The following TEX9 variants were observed in gnomAD, a reference collection of about 807,000 sequenced individuals.
The protein encoded by TEX9 is testis-expressed protein 9.
Under a neutral mutation model 59.6 loss-of-function variants are expected in TEX9, and 74 were observed. That is an observed-to-expected ratio of 1.24 (90% CI 1.03 to 1.51). The LOEUF (loss-of-function observed/expected upper bound fraction) is 1.51, where lower values mean the gene tolerates loss of function less well. TEX9 is among the 40% of genes most tolerant of loss of function. TEX9 has a pLI of 0.00. For synonymous variants in TEX9, 186 were observed against 152.2 expected, an observed-to-expected ratio of 1.22 and a Z score of -1.64; for missense variants, 522 against 447.8, an observed-to-expected ratio of 1.17 and a Z score of -1.49.
At chr15:56,273,954 C>G (rs562420796) in intron 1 of TEX9, among the ~76,000 whole-genome samples, 11 of 152,098 alleles carry the variant, frequency 7.2e-5, no homozygotes, top group Non-Finnish European at 1.2e-4. Context: ...GGTTCTCTGA[C>G]CTTCTCGTAT....
chr15:56,252,867 TAAC>T (rs2044058105), intron 1 of TEX9, among the ~76,000 whole-genome samples: 1 of 152,146 alleles, frequency 6.6e-6, no homozygotes, highest in African/African-American at 2.4e-5. Context: ...GTGGGGATAA[TAAC>T]TCCTTCACTC....
chr15:56,280,186 T>A (rs1368138737), intron 1 of TEX9, among the ~76,000 whole-genome samples: 1 of 152,162 alleles, frequency 6.6e-6, no homozygotes, highest in Non-Finnish European at 1.5e-5. Flanking sequence ...TTGTGTTGGG[T>A]TTATCTGTAT....
intron 1 of TEX9, among the ~76,000 whole-genome samples, chr15:56,271,950 C>T (rs1311110397): frequency 3.3e-5 from 5 of 152,078 alleles, no homozygotes; most frequent in African/African-American, 1.2e-4. Flanking sequence ...ACCATCCCAG[C>T]TACACGGTGA....
chr15:56,353,282 T>G (rs1184075583), intron 1 of TEX9, among the ~76,000 whole-genome samples: 4 of 152,198 alleles, frequency 2.6e-5, no homozygotes, highest in African/African-American at 9.7e-5. Context: ...ACTAATCTGT[T>G]AAAAAATGAA....
chr15:56,281,215 C>A lies in TEX9; in HGVS notation c.-107+36937C>A, dbSNP rs573164560. On this transcript the variant is annotated intron_variant, in intron 1 of 5. Coordinates refer to the TEX9 transcript ENST00000560827. ...GAACGGTGAGGGGAAAAGTAGAACC[C>A]CTTTAAAGTTAAATGAAAAGAAAAT... Among the ~76,000 whole-genome samples the A allele has an allele frequency of 1.8e-3, 278 of 152,202 alleles. 1 individual carries two copies. The highest frequency in any genetic ancestry group is 6.4e-3 in the African/African-American group (266 of 41,528).
At chr15:56,369,990 C>A (rs1366294385) in intron 2 of TEX9, among the ~76,000 whole-genome samples, 1 of 152,050 alleles carries the variant, frequency 6.6e-6, no homozygotes, top group Non-Finnish European at 1.5e-5. Flanking sequence ...TTCTTCATCC[C>A]TTTATGTTCA....
At chr15:56,265,142 C>A (rs1362514280) in intron 1 of TEX9, among the ~76,000 whole-genome samples, 2 of 150,094 alleles carry the variant, frequency 1.3e-5, no homozygotes, top group Non-Finnish European at 3.0e-5. Context: ...GATTTGAGAA[C>A]TTTCTGATTT....
At chr15:56,431,892 G>C (rs1339450470) in intron 12 of TEX9, among the ~76,000 whole-genome samples, 2 of 151,536 alleles carry the variant, frequency 1.3e-5, no homozygotes, top group Non-Finnish European at 2.9e-5. Context: ...ATATCTAAAG[G>C]ATATTTTCAT....
At chr15:56,297,235 A>G (rs2045238749) in intron 1 of TEX9, among the ~76,000 whole-genome samples, 1 of 152,340 alleles carries the variant, frequency 6.6e-6, no homozygotes, top group East Asian at 1.9e-4. Flanking sequence ...CTGAGAAGGA[A>G]ATGAAATAAT....
At chr15:56,268,687 G>A (rs368023578) in intron 1 of TEX9, among the ~76,000 whole-genome samples, 5 of 151,894 alleles carry the variant, frequency 3.3e-5, no homozygotes, top group Admixed American at 6.6e-5. Context: ...ACTTGATCTC[G>A]GTGGATAAGC....
chr15:56,412,321 G>A (rs2049395632), exon 10 of TEX9: 2 of 1,610,212 alleles, frequency 1.2e-6, no homozygotes, highest in Non-Finnish European at 1.7e-6. Flanking sequence ...AATAAAAGAA[G>A]ACTGCAAAAA....
the TEX9 span, among the ~76,000 whole-genome samples, chr15:56,452,634 T>G: frequency 6.6e-6 from 1 of 151,818 alleles, no homozygotes; most frequent in East Asian, 1.9e-4. Flanking sequence ...TTATCCTGCC[T>G]CAGCCTCCCA....
intron 10 of TEX9, among the ~76,000 whole-genome samples, chr15:56,414,064 A>C (rs1487153043): frequency 2.6e-5 from 4 of 151,770 alleles, no homozygotes; most frequent in African/African-American, 7.3e-5. Flanking sequence ...TATTATTTCC[A>C]ATTTGGTGCA....
At chr15:56,254,644 C>A (rs1400596381) in intron 1 of TEX9, among the ~76,000 whole-genome samples, 1 of 151,566 alleles carries the variant, frequency 6.6e-6, no homozygotes, top group Non-Finnish European at 1.5e-5. Flanking sequence ...TAATCCAATA[C>A]AAGAATAATA....
chr15:56,396,851 A>T (rs1256907209), intron 9 of TEX9: 1 of 152,390 alleles, frequency 6.6e-6, no homozygotes, highest in Non-Finnish European at 1.5e-5. Context: ...CTCCCCAGCC[A>T]TGTGGAACTG....
chr15:56,270,647 A>G (rs2044506309), intron 1 of TEX9, among the ~76,000 whole-genome samples: 1 of 152,122 alleles, frequency 6.6e-6, no homozygotes, highest in Non-Finnish European at 1.5e-5. Flanking sequence ...TAAGGTTAAT[A>G]TTGTTATGTG....
chr15:56,287,233 A>G (rs1175152065), intron 1 of TEX9, among the ~76,000 whole-genome samples: 4 of 152,180 alleles, frequency 2.6e-5, no homozygotes, highest in Admixed American at 6.5e-5. Flanking sequence ...CAACTAGAGT[A>G]GAAACTTCCT....
chr15:56,277,728 C>T (rs1201987187), intron 1 of TEX9, among the ~76,000 whole-genome samples: 1 of 152,028 alleles, frequency 6.6e-6, no homozygotes, highest in Non-Finnish European at 1.5e-5. Flanking sequence ...ATTAGGTATA[C>T]CTCACATTAC....
intron 9 of TEX9, chr15:56,408,736 C>A (rs1187562779): frequency 1.3e-5 from 2 of 152,112 alleles, no homozygotes; most frequent in African/African-American, 2.4e-5. Context: ...ATATCCAGAT[C>A]CAGCTCACCA....
Sources: gnomAD v4.1 joint callset for allele counts (sites outside exome capture counted in the v4.1 genomes callset) on GRCh38, gnomAD v4.1.1 for gene constraint, MANE v1.5 for transcripts, NCBI Gene and HGNC (gene_info 2026-07-23, HGNC 2026-07-21) for gene names.